Variants in CTNNA3 observed in about 807,000 individuals in gnomAD.
CTNNA3 encodes catenin alpha 3.
A neutral mutation model predicts 95.7 loss-of-function variants in CTNNA3; 76 were observed. The observed-to-expected ratio is 0.79, with a 90% CI of 0.66 to 0.96. CTNNA3 has a LOEUF of 0.96. CTNNA3 is among the 40% of genes least tolerant of loss of function. CTNNA3 has a pLI of 0.00. For synonymous variants in CTNNA3, 431 were observed against 374.4 expected (o/e 1.15, Z -1.74); for missense variants, 1,191 against 1,089.8 (o/e 1.09, Z -1.31).
intron 7 of CTNNA3, among the ~76,000 whole-genome samples, chr10:67,009,971 T>C (rs73326923): frequency 0.01 from 1,589 of 152,308 alleles, 28 homozygotes; most frequent in African/African-American, 0.035. Context: ...GTCATTCTAG[T>C]ATAGATTCTT....
rs138689027 is a variant in CTNNA3, at chr10:66,235,559, CTTCT to C, written c.1884+44907_1884+44910del. Among the ~76,000 whole-genome samples the C allele has an allele frequency of 8.5e-3, 1,298 of 152,028 alleles. 19 individuals carry two copies. Among genetic ancestry groups the C allele is most frequent in the African/African-American group, 0.03 (1,237 of 41,514 alleles). On this transcript the variant is annotated intron_variant, in intron 13 of 17. Transcript: ENST00000433211. ...ATTATATCTCAAAGCTACCTAATGC[CTTCT>C]TTAAGTGACTAGTTTCACATTCCAA... is the stretch of plus-strand genomic sequence containing the variant.
At chr10:67,309,028 A>C (rs1840673220) in intron 5 of CTNNA3, among the ~76,000 whole-genome samples, 1 of 152,164 alleles carries the variant, frequency 6.6e-6, no homozygotes, top group Admixed American at 6.5e-5. Flanking sequence ...TGCTGAGAGG[A>C]TGTTACTTCA....
At chr10:66,646,481 G>A (rs904900314) in intron 9 of CTNNA3, among the ~76,000 whole-genome samples, 5 of 152,084 alleles carry the variant, frequency 3.3e-5, no homozygotes, top group African/African-American at 4.8e-5. Flanking sequence ...GGGGTAGGGA[G>A]TAGAAGACTG....
intron 10 of CTNNA3, among the ~76,000 whole-genome samples, chr10:66,611,547 A>G (rs1412529498): frequency 6.6e-6 from 1 of 152,136 alleles, no homozygotes; most frequent in Non-Finnish European, 1.5e-5. Flanking sequence ...TTACTTTTCA[A>G]TTTAAGGGGG....
intron 11 of CTNNA3, among the ~76,000 whole-genome samples, chr10:66,516,881 C>T (rs1045320693): frequency 6.6e-6 from 1 of 152,130 alleles, no homozygotes; most frequent in Non-Finnish European, 1.5e-5. Context: ...CTTTAAGATG[C>T]AACCAAGAGG....
At chr10:67,214,951 C>T (rs926508993) in intron 6 of CTNNA3, among the ~76,000 whole-genome samples, 1 of 151,926 alleles carries the variant, frequency 6.6e-6, no homozygotes, top group Non-Finnish European at 1.5e-5. Flanking sequence ...ATTTACTGGG[C>T]TTCTTAGCTA....
chr10:66,358,726 T>C (rs1213843631), intron 12 of CTNNA3, among the ~76,000 whole-genome samples: 2 of 152,228 alleles, frequency 1.3e-5, no homozygotes, highest in African/African-American at 2.4e-5. Flanking sequence ...TCAAGTTCAG[T>C]ATAATTTTAG....
At chr10:67,189,644 G>GTGAT (rs374985947) in intron 6 of CTNNA3, among the ~76,000 whole-genome samples, 6 of 150,110 alleles carry the variant, frequency 4.0e-5, no homozygotes, top group African/African-American at 1.2e-4. Flanking sequence ...CAGTCTGGAT[G>GTGAT]TGATCTTATC....
At chr10:67,083,281 G>T (rs1378872434) in intron 7 of CTNNA3, among the ~76,000 whole-genome samples, 2 of 152,050 alleles carry the variant, frequency 1.3e-5, no homozygotes, top group Non-Finnish European at 2.9e-5. Flanking sequence ...CCAAATAGCT[G>T]CCTTTTCATT....
intron 13 of CTNNA3, among the ~76,000 whole-genome samples, chr10:66,251,526 TTATA>T (rs2090551893): frequency 6.6e-6 from 1 of 152,092 alleles, no homozygotes; most frequent in Non-Finnish European, 1.5e-5. Flanking sequence ...ACCAAGGCAA[TTATA>T]GTAGAGTAAA....
At chr10:66,089,041 G>A (rs2081107751) in intron 14 of CTNNA3, among the ~76,000 whole-genome samples, 1 of 151,918 alleles carries the variant, frequency 6.6e-6, no homozygotes, top group South Asian at 2.1e-4. Context: ...TTTATTTTGT[G>A]TTTTGTTTGC....
intron 9 of CTNNA3, among the ~76,000 whole-genome samples, chr10:66,685,674 GA>G (rs1289693488): frequency 6.6e-6 from 1 of 151,510 alleles, no homozygotes; most frequent in Non-Finnish European, 1.5e-5. Flanking sequence ...ACCAGGCCAA[GA>G]ACCATATTTT....
At position 67,489,174 on chromosome 10, in the gene CTNNA3, T is replaced by C. The variant is rs74142821; in HGVS notation, c.579+32668A>G. ...TCTATATCCCTGTTAATGTATCTTT[T>C]ACAGATTTCCCTGGGAGTCTTTTCT... On this transcript the variant is annotated intron_variant, in intron 5 of 17. Transcript: ENST00000433211. Among the ~76,000 whole-genome samples the C allele has an allele frequency of 2.4e-3, 360 of 152,366 alleles. 1 individual carries two copies. The highest frequency in any genetic ancestry group is 8.3e-3 in the African/African-American group (346 of 41,588).
At chr10:66,360,691 CT>C (rs1294507250) in intron 12 of CTNNA3, among the ~76,000 whole-genome samples, 1 of 46,374 alleles carries the variant, frequency 2.2e-5, no homozygotes. Context: ...TCCTTCCTTC[CT>C]TTTCTTTCTT....
chr10:67,065,916 C>T (rs1034148707), intron 7 of CTNNA3, among the ~76,000 whole-genome samples: 3 of 139,420 alleles, frequency 2.2e-5, no homozygotes, highest in Admixed American at 7.3e-5. Context: ...AAGGAAATAC[C>T]ACCCTCAATC....
At chr10:66,085,607 C>T (rs1214522591) in intron 14 of CTNNA3, among the ~76,000 whole-genome samples, 1 of 152,014 alleles carries the variant, frequency 6.6e-6, no homozygotes, top group Non-Finnish European at 1.5e-5. Flanking sequence ...CAGAGAGTCA[C>T]AATGTTGGCA....
intron 11 of CTNNA3, among the ~76,000 whole-genome samples, chr10:66,447,742 A>T (rs10997130): frequency 1.3e-5 from 2 of 151,572 alleles, no homozygotes; most frequent in African/African-American, 4.9e-5. Flanking sequence ...AACCTAGGCA[A>T]TACCATTCAG....
At chr10:67,341,154 G>A (rs1324811407) in intron 5 of CTNNA3, among the ~76,000 whole-genome samples, 1 of 151,932 alleles carries the variant, frequency 6.6e-6, no homozygotes, top group Non-Finnish European at 1.5e-5. Flanking sequence ...TGGAGGATGG[G>A]GTATCAATTG....
intron 13 of CTNNA3, among the ~76,000 whole-genome samples, chr10:66,252,270 C>T (rs72799121): frequency 0.11 from 16,104 of 152,110 alleles, 946 homozygotes; most frequent in East Asian, 0.17. Context: ...TTGCTCCTCT[C>T]AGGAAGAGAA....
Sources: gnomAD v4.1 joint callset for allele counts (sites outside exome capture counted in the v4.1 genomes callset) on GRCh38, gnomAD v4.1.1 for gene constraint, MANE v1.5 for transcripts, NCBI Gene and HGNC (gene_info 2026-07-23, HGNC 2026-07-21) for gene names.